PRRX2: variants seen among roughly 807,000 people sequenced by gnomAD.
PRRX2 encodes paired mesoderm homeobox protein 2.
A neutral mutation model predicts 18.0 loss-of-function variants in PRRX2; 11 were observed. The observed-to-expected ratio is 0.61, with a 90% CI of 0.39 to 1.01. The LOEUF (loss-of-function observed/expected upper bound fraction) is 1.01, where lower values mean the gene tolerates loss of function less well. Among genes scored for constraint, PRRX2 ranks in the 50% least tolerant of loss-of-function variants. The probability of loss-of-function intolerance (pLI) is 0.01; values close to 1 mark genes in which losing one functional copy is unlikely to be tolerated. For missense variants in PRRX2, 387 were observed against 351.0 expected (o/e 1.10, Z -0.82); for synonymous variants, 177 against 154.8 (o/e 1.14, Z -1.06).
At chr9:129,714,853 G>A (rs1460691693) in intron 1 of PRRX2, among the ~76,000 whole-genome samples, 1 of 152,162 alleles carries the variant, frequency 6.6e-6, no homozygotes. Context: ...GTGCCCAAGA[G>A]GAACTGCCTG....
intron 1 of PRRX2, among the ~76,000 whole-genome samples, chr9:129,703,301 G>A (rs115093159): frequency 1.1e-3 from 169 of 152,316 alleles, no homozygotes; most frequent in African/African-American, 3.9e-3. Flanking sequence ...CGGTCTCTGC[G>A]CCTGGCCACC....
At chr9:129,697,461 C>T (rs1832440842) in intron 1 of PRRX2, among the ~76,000 whole-genome samples, 1 of 151,382 alleles carries the variant, frequency 6.6e-6, no homozygotes. Flanking sequence ...GGGACTGCGG[C>T]GAGGCAGGCG....
At chr9:129,703,582 G>A (rs1832525641) in intron 1 of PRRX2, among the ~76,000 whole-genome samples, 1 of 152,132 alleles carries the variant, frequency 6.6e-6, no homozygotes, top group Non-Finnish European at 1.5e-5. Flanking sequence ...ACTGTGAACA[G>A]GGCTTAATAA....
intron 1 of PRRX2, among the ~76,000 whole-genome samples, chr9:129,668,125 T>C (rs144777736): frequency 2.0e-5 from 3 of 152,164 alleles, no homozygotes; most frequent in Non-Finnish European, 4.4e-5. Context: ...GTGGCCCGGA[T>C]CTGGGTCTAC....
chr9:129,666,974 A>G (rs1313884953), intron 1 of PRRX2, among the ~76,000 whole-genome samples: 1 of 132,130 alleles, frequency 7.6e-6, no homozygotes, highest in African/African-American at 2.8e-5. Context: ...CAGCCCTCCC[A>G]CCCGCCCCGG....
chr9:129,713,664 C>T (rs1268447462), intron 1 of PRRX2, among the ~76,000 whole-genome samples: 3 of 150,802 alleles, frequency 2.0e-5, no homozygotes, highest in African/African-American at 4.9e-5. Flanking sequence ...GAATTTCACT[C>T]TTGTTGCCCA....
At chr9:129,720,866 G>A (rs1194558841) in intron 3 of PRRX2, 92 bp downstream of exon 3, 1 of 1,330,600 alleles carries the variant, frequency 7.5e-7, no homozygotes, top group African/African-American at 1.5e-5. Context: ...GGTCTGGAGA[G>A]AGCTTGAATG....
chr9:129,707,204 T>A (rs1292920651), intron 1 of PRRX2, among the ~76,000 whole-genome samples: 3 of 151,418 alleles, frequency 2.0e-5, no homozygotes, highest in African/African-American at 7.3e-5. Context: ...TGCAGTGAGC[T>A]GAGATGGCGC....
intron 1 of PRRX2, among the ~76,000 whole-genome samples, chr9:129,691,168 T>C (rs1359298118): frequency 6.3e-5 from 6 of 94,964 alleles, no homozygotes; most frequent in Admixed American, 6.1e-4. Context: ...CTGCTAAATA[T>C]ACAAAAAAAA....
intron 1 of PRRX2, among the ~76,000 whole-genome samples, chr9:129,694,993 T>G (rs1232320038): frequency 3.3e-5 from 5 of 152,084 alleles, no homozygotes; most frequent in African/African-American, 1.2e-4. Context: ...GGGCTCACCA[T>G]GGAGGAGGAA....
intron 1 of PRRX2, among the ~76,000 whole-genome samples, chr9:129,704,000 G>T (rs926064558): frequency 6.6e-6 from 1 of 152,250 alleles, no homozygotes; most frequent in Middle Eastern, 3.2e-3. Flanking sequence ...AGAGGGGCAG[G>T]TTCTTCCAGG....
chr9:129,669,699 C>T (rs1344225003), intron 1 of PRRX2, among the ~76,000 whole-genome samples: 1 of 152,028 alleles, frequency 6.6e-6, no homozygotes, highest in Non-Finnish European at 1.5e-5. Flanking sequence ...TGGGAGCCCT[C>T]GAGGGGCTGT....
At position 129,720,524 on chromosome 9, in the gene PRRX2, C is replaced by A. The variant is rs1832775343; in HGVS notation, c.448-72C>A. On this transcript the variant is annotated intron_variant, in intron 2 of 3. Transcript: ENST00000372469. ...AGCCCTGGGCTGGTGACAGAGCAGG[C>A]ACACACCCAGGTCCAGAAGGACTTG... The A allele has an allele frequency of 2.0e-5, 28 of 1,421,348 alleles. 1 individual carries two copies. The South Asian group carries it at 3.9e-4, about 20-fold the overall frequency. The allele number at this position is 1,421,348 out of a possible 1,614,324, so 88.0% of individuals were successfully genotyped here.
At chr9:129,714,204 C>T (rs1374979257) in intron 1 of PRRX2, among the ~76,000 whole-genome samples, 1 of 151,900 alleles carries the variant, frequency 6.6e-6, no homozygotes, top group East Asian at 2.0e-4. Context: ...ACTCGAGAGG[C>T]TGAGGTAGGA....
chr9:129,705,823 C>T (rs567340485), intron 1 of PRRX2, among the ~76,000 whole-genome samples: 1 of 152,060 alleles, frequency 6.6e-6, no homozygotes, highest in Admixed American at 6.5e-5. Flanking sequence ...TGCCTGTAAT[C>T]CCAGCACTTT....
At chr9:129,716,109 A>C (rs1037878531) in intron 1 of PRRX2, among the ~76,000 whole-genome samples, 6 of 152,220 alleles carry the variant, frequency 3.9e-5, no homozygotes, top group Admixed American at 3.9e-4. Context: ...GTGGGAATGC[A>C]AAATAAGACC....
In PRRX2 at chr9:129,717,874, T is replaced by TA. The variant is rs995303254; in HGVS notation, c.260-1356dup. 1.3e-4 allele frequency among the ~76,000 whole-genome samples: 20 copies of TA among 152,082 alleles called. 1 individual carries two copies. On this transcript the variant is annotated intron_variant, in intron 1 of 3. Transcript: ENST00000372469. ...ACATTTTTAATGAGAAAAAATCAGA[T>TA]ACAAAAGAAGTGCTGAACCGGCAGC...
At chr9:129,684,529 CACA>C (rs1386410162) in intron 1 of PRRX2, among the ~76,000 whole-genome samples, 3 of 120,926 alleles carry the variant, frequency 2.5e-5, no homozygotes, top group African/African-American at 9.9e-5. Flanking sequence ...CACACCCACA[CACA>C]CCCCAACAGA....
chr9:129,712,563 T>G (rs1201232221), intron 1 of PRRX2, among the ~76,000 whole-genome samples: 1 of 152,102 alleles, frequency 6.6e-6, no homozygotes, highest in Non-Finnish European at 1.5e-5. Flanking sequence ...GTGAAATAAT[T>G]TAATGGCAGA....
Sources: allele counts gnomAD v4.1 joint callset (sites outside exome capture counted in the v4.1 genomes callset), GRCh38; gene constraint gnomAD v4.1.1; transcripts MANE v1.5; gene names NCBI Gene and HGNC (gene_info 2026-07-23, HGNC 2026-07-21).